OPTC: variants seen among roughly 807,000 people sequenced by gnomAD.
OPTC encodes opticin, also known as oculoglycan.
OPTC carries 22 observed loss-of-function variants against 25.4 expected under a neutral mutation model. The observed-to-expected ratio is 0.87, with a 90% confidence interval of 0.62 to 1.24. The LOEUF (loss-of-function observed/expected upper bound fraction) is 1.24, where lower values mean the gene tolerates loss of function less well. Ranked by LOEUF, OPTC falls within the 50% of genes most tolerant of loss-of-function variation. OPTC has a pLI of 0.00. For missense variants in OPTC, 417 were observed against 425.2 expected, an observed-to-expected ratio of 0.98 and a Z score of 0.17; for synonymous variants, 169 against 179.3, an observed-to-expected ratio of 0.94 and a Z score of 0.46.
intron 6 of OPTC, 68 bp from the exon 7 acceptor site, chr1:203,503,482 T>G (rs1661424238): frequency 1.1e-5 from 17 of 1,510,730 alleles, no homozygotes; most frequent in East Asian, 2.2e-5. Flanking sequence ...ACAGCTGATG[T>G]GAGCCTTTGG....
At chr1:203,496,703 G>A (rs558557870) in intron 2 of OPTC, among the ~76,000 whole-genome samples, 43 of 152,234 alleles carry the variant, frequency 2.8e-4, no homozygotes, top group African/African-American at 1.0e-3. Context: ...AATCGGGAGA[G>A]CAGGTTTCGT....
At position 203,503,644 on chromosome 1, in the gene OPTC, G is replaced by A; in HGVS notation, c.923G>A (p.Gly308Asp). The A allele has an allele frequency of 6.2e-7, 1 of 1,613,394 alleles. No individual in the cohort carries two copies. The highest frequency in any genetic ancestry group is 8.5e-7 in the Non-Finnish European group (1 of 1,180,018). Residue 308 changes from glycine (G) to aspartate (D), a missense_variant, in exon 7 of 8, where the codon GGC becomes GAC. Gly to Asp is a moderately conservative substitution (Grantham distance 94). Coordinates refer to ENST00000367222, the MANE Select transcript of OPTC (RefSeq NM_014359.4). The stretch of plus-strand genomic sequence containing the variant: ...CAGCTGGAAGACATCCGCCTGGATG[G>A]CAACCCCATCAACCTCAGCCTCTTC... ...RRQLEDIRLD[G>D]NPINLSLFPS...
intron 1 of OPTC, among the ~76,000 whole-genome samples, chr1:203,494,703 G>A (rs1469370350): frequency 5.9e-5 from 9 of 151,942 alleles, no homozygotes; most frequent in Non-Finnish European, 2.9e-5. Context: ...AAGAAAGAAA[G>A]AGGGAGAGTC....
intron 5 of OPTC, 35 bp from the exon 6 acceptor site, chr1:203,502,879 C>A: frequency 1.3e-6 from 2 of 1,554,950 alleles, no homozygotes; most frequent in Non-Finnish European, 1.8e-6. Context: ...CCAACAGGAC[C>A]CACCAGCCTC....
At chr1:203,503,513 C>T (rs753083850) in intron 6 of OPTC, 37 bp from the exon 7 acceptor site, 1 of 1,608,178 alleles carries the variant, frequency 6.2e-7, no homozygotes, top group Non-Finnish European at 8.5e-7. Flanking sequence ...GGGGCAGAGC[C>T]TCTTGGTGAG....
At chr1:203,505,342 AC>A (rs1661463010) in intron 7 of OPTC, among the ~76,000 whole-genome samples, 1 of 152,164 alleles carries the variant, frequency 6.6e-6, no homozygotes, top group Non-Finnish European at 1.5e-5. Flanking sequence ...CAAGAGGAGG[AC>A]CCAACTTAGG....
chr1:203,500,869 ACACACGGCCT>A (rs1383681438), intron 5 of OPTC, among the ~76,000 whole-genome samples: 1 of 152,152 alleles, frequency 6.6e-6, no homozygotes, highest in African/African-American at 2.4e-5. Flanking sequence ...CCTCTTTGGG[ACACACGGCCT>A]CTTGTCTTGA....
intron 7 of OPTC, among the ~76,000 whole-genome samples, chr1:203,504,468 T>C (rs555932510): frequency 6.6e-6 from 1 of 152,310 alleles, no homozygotes; most frequent in Non-Finnish European, 1.5e-5. Flanking sequence ...CTACAGAAAT[T>C]GGTAAACACT....
At chr1:203,503,205 T>C (rs567605764) in intron 6 of OPTC, among the ~76,000 whole-genome samples, 196 bp downstream of exon 6, 3 of 152,300 alleles carry the variant, frequency 2.0e-5, no homozygotes, top group African/African-American at 4.8e-5. Context: ...ATTTTCTCCA[T>C]TTTTTCTTTT....
chr1:203,504,197 G>A (rs887846554), intron 7 of OPTC, among the ~76,000 whole-genome samples: 1 of 152,136 alleles, frequency 6.6e-6, no homozygotes, highest in African/African-American at 2.4e-5. Context: ...GTTAAACACA[G>A]CCATTATGAA....
rs192203065 is a variant in OPTC at position 203,502,803 on chromosome 1, G to C, written c.733-111G>C. On this transcript the variant is annotated intron_variant, in intron 5 of 7. Transcript: ENST00000367222. Reference sequence around the variant, plus strand: ...GAGCTTGGCGCATGGCTGAGGCTAAGTGAGCCCTGAGTGAACAAATGGGGC... The same window carrying C: ...GAGCTTGGCGCATGGCTGAGGCTAACTGAGCCCTGAGTGAACAAATGGGGC... The C allele has an allele frequency of 2.2e-5, 19 of 847,150 alleles. No individual in the cohort carries two copies. In the Admixed American group the frequency reaches 3.5e-4, roughly 16 times the overall value. The allele number at this position is 847,150 out of a possible 1,614,324, so 52.5% of individuals were successfully genotyped here.
chr1:203,503,607 C>A lies in OPTC; in HGVS notation c.886C>A (p.His296Asn). The A allele has an allele frequency of 6.2e-7, 1 of 1,613,734 alleles. No homozygotes were observed. Reference sequence around the variant, plus strand: ...CTTCTGTGACCCCGAGGAGCACAAACACACCCGCAGGCAGCTGGAAGACAT... The same window carrying A: ...CTTCTGTGACCCCGAGGAGCACAAAAACACCCGCAGGCAGCTGGAAGACAT... ...DVFCDPEEHKHTRRQLEDIRL... is the reference protein window; with the variant it reads ...DVFCDPEEHKNTRRQLEDIRL... The change falls in exon 7 of 8, where the codon CAC (histidine) becomes AAC (asparagine). Residue 296 changes from histidine (H) to asparagine (N), a missense_variant. By Grantham distance (68) the His-to-Asn change is moderately conservative. Coordinates refer to ENST00000367222, the MANE Select transcript of OPTC (RefSeq NM_014359.4).
In OPTC at chr1:203,502,802, A is replaced by C. The variant is rs114053846; in HGVS notation, c.733-112A>C. 3.2e-3 allele frequency: 2,704 copies of C among 838,254 alleles called. 48 individuals are homozygous for C. In the African/African-American group the frequency reaches 0.039, roughly 12 times the overall value. The allele number at this position is 838,254 out of a possible 1,614,324, so 51.9% of individuals were successfully genotyped here. On this transcript the variant is annotated intron_variant, in intron 5 of 7. Transcript: ENST00000367222. Reference sequence around the variant, plus strand: ...AGAGCTTGGCGCATGGCTGAGGCTAAGTGAGCCCTGAGTGAACAAATGGGG... The same window carrying C: ...AGAGCTTGGCGCATGGCTGAGGCTACGTGAGCCCTGAGTGAACAAATGGGG...
At chr1:203,507,007 C>G (rs1173634938) in intron 7 of OPTC, among the ~76,000 whole-genome samples, 2 of 152,246 alleles carry the variant, frequency 1.3e-5, no homozygotes, top group African/African-American at 2.4e-5. Context: ...TAGGGAAGCC[C>G]AAGGAATAGA....
rs1661477565 is a variant in OPTC, at chr1:203,506,005, C to T, written c.*25+2260C>T. Among the ~76,000 whole-genome samples the T allele has an allele frequency of 1.3e-5, 2 of 151,984 alleles. 1 individual carries two copies. Among genetic ancestry groups the T allele is most frequent in the South Asian group, 4.2e-4 (2 of 4,808 alleles). On this transcript the variant is annotated intron_variant, in intron 7 of 7. Transcript: ENST00000367222. The stretch of plus-strand genomic sequence containing the variant: ...TCTCTCTCCCTTTCTCTGTTTCATC[C>T]ACCAATCCTATCCCCTTCCATATCC...
At chr1:203,506,244 C>T (rs777265124) in intron 7 of OPTC, among the ~76,000 whole-genome samples, 10 of 151,272 alleles carry the variant, frequency 6.6e-5, no homozygotes, top group Non-Finnish European at 1.0e-4. Context: ...CTCTGCCTCC[C>T]GGATTCAAGC....
chr1:203,496,717 T>C (rs1661287106), intron 2 of OPTC, among the ~76,000 whole-genome samples: 1 of 152,030 alleles, frequency 6.6e-6, no homozygotes, highest in Non-Finnish European at 1.5e-5. Flanking sequence ...GTTTCGTCTC[T>C]GCCTTGACCA....
intron 4 of OPTC, among the ~76,000 whole-genome samples, 188 bp from the exon 5 acceptor site, chr1:203,499,461 C>T (rs894609024): frequency 1.2e-4 from 18 of 152,048 alleles, no homozygotes; most frequent in African/African-American, 4.4e-4. Context: ...ACTGAGGCAT[C>T]CGAGGGCTTT....
At chr1:203,494,703 G>T (rs1469370350) in intron 1 of OPTC, among the ~76,000 whole-genome samples, 5 of 151,942 alleles carry the variant, frequency 3.3e-5, no homozygotes, top group Admixed American at 6.6e-5. Context: ...AAGAAAGAAA[G>T]AGGGAGAGTC....
Sources: allele counts gnomAD v4.1 joint callset (sites outside exome capture counted in the v4.1 genomes callset), GRCh38; gene constraint gnomAD v4.1.1; transcripts MANE v1.5; gene names NCBI Gene and HGNC (gene_info 2026-07-23, HGNC 2026-07-21).